KCNIP4: variants seen among roughly 807,000 people sequenced by gnomAD.
KCNIP4 encodes the protein potassium voltage-gated channel interacting protein 4.
Under a neutral mutation model 34.0 loss-of-function variants are expected in KCNIP4, and 12 were observed. The ratio of observed to expected loss-of-function variants is 0.35; its 90% CI spans 0.23 to 0.57. The LOEUF (loss-of-function observed/expected upper bound fraction) is 0.57. Ranked by LOEUF, KCNIP4 falls within the 20% of genes least tolerant of loss-of-function variation. The probability of loss-of-function intolerance (pLI) is 0.83; values close to 1 mark genes in which losing one functional copy is unlikely to be tolerated. For missense variants in KCNIP4, 238 were observed against 311.7 expected (o/e 0.76, Z 1.78); for synonymous variants, 124 against 102.2 (o/e 1.21, Z -1.29).
intron 1 of KCNIP4, among the ~76,000 whole-genome samples, chr4:21,812,682 T>C (rs977063469): frequency 2.6e-5 from 4 of 152,216 alleles, no homozygotes; most frequent in Admixed American, 1.3e-4. Flanking sequence ...AATTTGACTC[T>C]GTTCTAGCAT....
intron 1 of KCNIP4, among the ~76,000 whole-genome samples, chr4:21,549,411 G>C (rs1243664764): frequency 6.6e-6 from 1 of 151,850 alleles, no homozygotes; most frequent in African/African-American, 2.4e-5. Flanking sequence ...ATAGTAATGA[G>C]TGAATTCTCA....
At position 20,871,040 on chromosome 4, in the gene KCNIP4, C is replaced by T. The variant is rs75397898; in HGVS notation, c.163+11568G>A. Among the ~76,000 whole-genome samples the T allele has an allele frequency of 6.6e-3, 1,000 of 152,212 alleles. 63 individuals carry two copies. The East Asian group carries it at 0.16, about 24-fold the overall frequency. On this transcript the variant is annotated intron_variant, in intron 2 of 8. Transcript: ENST00000382152. ...TCTGTCATTTCCTCTGTGATATAAA[C>T]ATTTAGAGGCAAGAGATCTATCTTG...
chr4:21,113,901 A>G (rs1311670888), intron 1 of KCNIP4, among the ~76,000 whole-genome samples: 1 of 152,242 alleles, frequency 6.6e-6, no homozygotes, highest in East Asian at 1.9e-4. Flanking sequence ...AATACACCAT[A>G]ATTAGTTTCT....
At chr4:21,271,721 C>T (rs191879648) in intron 1 of KCNIP4, among the ~76,000 whole-genome samples, 6 of 152,064 alleles carry the variant, frequency 3.9e-5, no homozygotes, top group South Asian at 2.1e-4. Flanking sequence ...AAAATCCTTC[C>T]GTAAATAATG....
chr4:20,848,599 A>G (rs1031108102), intron 3 of KCNIP4, among the ~76,000 whole-genome samples: 12 of 152,208 alleles, frequency 7.9e-5, no homozygotes, highest in Non-Finnish European at 1.3e-4. Flanking sequence ...TGCTGGCTCC[A>G]AAGATTAATG....
intron 1 of KCNIP4, among the ~76,000 whole-genome samples, chr4:21,665,529 T>C (rs1748798684): frequency 6.8e-6 from 1 of 146,084 alleles, no homozygotes; most frequent in Admixed American, 6.8e-5. Flanking sequence ...CCCCTCATTT[T>C]ATACATGTAT....
chr4:21,336,498 C>T (rs1716193006), intron 1 of KCNIP4, among the ~76,000 whole-genome samples: 1 of 152,168 alleles, frequency 6.6e-6, no homozygotes, highest in Non-Finnish European at 1.5e-5. Flanking sequence ...CATTTGTGCA[C>T]ATCTCCCCAA....
At chr4:21,470,000 T>A (rs555109987) in intron 1 of KCNIP4, among the ~76,000 whole-genome samples, 3 of 152,296 alleles carry the variant, frequency 2.0e-5, no homozygotes, top group African/African-American at 7.2e-5. Context: ...ACGCCACAAT[T>A]GTGGCCGAAA....
At position 21,247,759 on chromosome 4, in the gene KCNIP4, T is replaced by TATATATATATATATATATATACAC. The variant is rs1366204923; in HGVS notation, c.62-365051_62-365050insGTGTATATATATATATATATATAT. On this transcript the variant is annotated intron_variant, in intron 1 of 8. Coordinates refer to ENST00000382152, the MANE Select transcript of KCNIP4 (RefSeq NM_025221.6). ...GGATATATATATATATATATATATA[T>TATATATATATATATATATATACAC]ACACCCCACAGGTGTTTTTTATATA... Among the ~76,000 whole-genome samples the TATATATATATATATATATATACAC allele has an allele frequency of 7.8e-4, 94 of 119,972 alleles. 1 individual carries two copies. Among genetic ancestry groups the TATATATATATATATATATATACAC allele is most frequent in the Non-Finnish European group, 1.4e-3 (82 of 60,156 alleles). 78.7% of individuals were successfully genotyped at this position (119,972 alleles called of 152,430 possible). A position where few individuals can be genotyped will look rare whatever the true frequency, so the allele number is the denominator to read the frequency against.
At chr4:20,969,394 T>C (rs1734697041) in intron 1 of KCNIP4, among the ~76,000 whole-genome samples, 1 of 152,210 alleles carries the variant, frequency 6.6e-6, no homozygotes, top group Non-Finnish European at 1.5e-5. Flanking sequence ...CCACTAACAC[T>C]GAGCTTGCCA....
At chr4:21,855,700 C>G (rs1431094890) in intron 1 of KCNIP4, 1 of 152,212 alleles carries the variant, frequency 6.6e-6, no homozygotes, top group Non-Finnish European at 1.5e-5. Context: ...CGCTAGCCCA[C>G]TCTTTATTCT....
intron 3 of KCNIP4, among the ~76,000 whole-genome samples, chr4:20,762,297 C>G (rs1468836710): frequency 6.6e-6 from 1 of 152,094 alleles, no homozygotes; most frequent in Non-Finnish European, 1.5e-5. Flanking sequence ...TAATCATCTC[C>G]CAAAGGCCCC....
intron 1 of KCNIP4, among the ~76,000 whole-genome samples, chr4:21,015,692 A>G (rs1465069843): frequency 7.5e-6 from 1 of 132,458 alleles, no homozygotes; most frequent in Admixed American, 8.4e-5. Flanking sequence ...TTGCATTAAT[A>G]TAATATAATA....
intron 1 of KCNIP4, among the ~76,000 whole-genome samples, chr4:21,124,256 C>T (rs1328724528): frequency 6.6e-6 from 1 of 152,078 alleles, no homozygotes; most frequent in Non-Finnish European, 1.5e-5. Flanking sequence ...AAGAAAAAGG[C>T]AAATCATGTA....
chr4:21,547,458 T>C (rs1275633977), intron 1 of KCNIP4, among the ~76,000 whole-genome samples: 1 of 152,250 alleles, frequency 6.6e-6, no homozygotes, highest in Non-Finnish European at 1.5e-5. Context: ...GAGTTTTGTG[T>C]TAATATTTTC....
chr4:21,426,859 GC>G (rs1302380643), intron 1 of KCNIP4, among the ~76,000 whole-genome samples: 1 of 150,504 alleles, frequency 6.6e-6, no homozygotes, highest in Non-Finnish European at 1.5e-5. Flanking sequence ...AATCCAAGCT[GC>G]TTTTTAATGA....
At chr4:20,967,129 C>T (rs190394776) in intron 1 of KCNIP4, among the ~76,000 whole-genome samples, 5 of 152,140 alleles carry the variant, frequency 3.3e-5, no homozygotes, top group African/African-American at 1.2e-4. Flanking sequence ...TTATCATGAC[C>T]TATATCTTAG....
intron 1 of KCNIP4, among the ~76,000 whole-genome samples, chr4:21,074,158 A>C (rs1745245498): frequency 6.6e-6 from 1 of 152,168 alleles, no homozygotes; most frequent in African/African-American, 2.4e-5. Flanking sequence ...TCATAAAATG[A>C]GTTAGGGAGG....
intron 1 of KCNIP4, among the ~76,000 whole-genome samples, chr4:21,871,166 A>G (rs900798677): frequency 7.3e-5 from 11 of 151,016 alleles, no homozygotes; most frequent in Non-Finnish European, 1.5e-4. Flanking sequence ...GGTTTGCTAC[A>G]TATATGCCAT....
Sources: allele counts gnomAD v4.1 joint callset (sites outside exome capture counted in the v4.1 genomes callset), GRCh38; gene constraint gnomAD v4.1.1; transcripts MANE v1.5; gene names NCBI Gene and HGNC (gene_info 2026-07-23, HGNC 2026-07-21).